Variants in MON2 observed in about 807,000 individuals in gnomAD.
The protein encoded by MON2 is MON2 regulator of endosome-to-Golgi trafficking, also known as protein MON2 homolog.
A neutral mutation model predicts 208.6 loss-of-function variants in MON2; 84 were observed. The ratio of observed to expected loss-of-function variants is 0.40; its 90% CI spans 0.34 to 0.48. The LOEUF (loss-of-function observed/expected upper bound fraction) is 0.48, where lower values mean the gene tolerates loss of function less well. MON2 is among the 20% of genes least tolerant of loss of function. The pLI is 0.59. For synonymous variants in MON2, 660 were observed against 694.0 expected, an observed-to-expected ratio of 0.95 and a Z score of 0.77; for missense variants, 1,611 against 2,015.4, an observed-to-expected ratio of 0.80 and a Z score of 3.84.
At position 62,471,294 on chromosome 12, in the gene MON2, C is replaced by T. The variant is rs372924151; in HGVS notation, c.111+3976C>T. Among the ~76,000 whole-genome samples the T allele has an allele frequency of 5.9e-5, 9 of 152,236 alleles. 1 individual carries two copies. The highest frequency in any genetic ancestry group is 9.6e-5 in the African/African-American group (4 of 41,534). On this transcript the variant is annotated intron_variant, in intron 1 of 34. Transcript: ENST00000393630. ...GCCTCCCAGGTTCAAGTGATTTTCC[C>T]GCCTCAGCCTCCTGAGTACCTGGGA...
intron 1 of MON2, among the ~76,000 whole-genome samples, chr12:62,479,647 T>C (rs1215564984): frequency 6.6e-6 from 1 of 152,178 alleles, no homozygotes; most frequent in African/African-American, 2.4e-5. Context: ...GAGTAACATA[T>C]TAAACGCTGC....
Position 62,561,128 on chromosome 12 carries a change from G to A in MON2, c.4032+15G>A. 1 of 1,573,016 alleles carries A rather than the reference G, an allele frequency of 6.4e-7. No individual in the cohort carries two copies. Among genetic ancestry groups the A allele is most frequent in the South Asian group, 1.2e-5 (1 of 83,978 alleles). ...TTCTCCAAAAGGTAATATAATTTTA[G>A]TGGCTAAGTAATACTGCATATAGTT... On this transcript the variant is annotated intron_variant, in intron 26 of 34. Coordinates refer to ENST00000393630, the MANE Select transcript of MON2 (RefSeq NM_015026.3).
intron 24 of MON2, among the ~76,000 whole-genome samples, chr12:62,555,790 T>C (rs1049607122): frequency 1.2e-4 from 17 of 138,650 alleles, no homozygotes; most frequent in Non-Finnish European, 2.3e-4. Context: ...GCCTGGATGA[T>C]AGAGTGAGAC....
rs1212508885 is a variant in MON2 at position 62,532,720 on chromosome 12, A to G, written c.1633+50A>G. 4.2e-6 allele frequency: 6 copies of G among 1,433,714 alleles called. No individual in the cohort carries two copies. In the Admixed American group the frequency reaches 8.8e-5, roughly 21 times the overall value. The allele number at this position is 1,433,714 out of a possible 1,614,324, so 88.8% of individuals were successfully genotyped here. A position where few individuals can be genotyped will look rare whatever the true frequency, so the allele number is the denominator to read the frequency against. On this transcript the variant is annotated intron_variant, in intron 12 of 34. Transcript: ENST00000393630. ...TATTGGAAATAATTTGAAATTTACAATTTGCAAAAATTGTAGTCTTTATAA... is the reference window on the plus strand; with the variant it reads ...TATTGGAAATAATTTGAAATTTACAGTTTGCAAAAATTGTAGTCTTTATAA...
intron 1 of MON2, among the ~76,000 whole-genome samples, chr12:62,473,221 A>G (rs1592797569): frequency 6.6e-6 from 1 of 152,300 alleles, no homozygotes; most frequent in East Asian, 1.9e-4. Context: ...GCATCCTTAG[A>G]CTCTAATGCA....
Position 62,466,846 on chromosome 12 carries a change from C to T in MON2, c.-362C>T, listed in dbSNP as rs868000914. 1 of 410,018 alleles carries T rather than the reference C, an allele frequency of 2.4e-6. No individual in the cohort carries two copies. 25.4% of individuals were successfully genotyped at this position (410,018 alleles called of 1,614,324 possible). On this transcript the variant is annotated 5_prime_UTR_variant, in exon 1 of 35. Coordinates refer to ENST00000393630, the MANE Select transcript of MON2 (RefSeq NM_015026.3). Reference sequence around the variant, plus strand: ...TGGGCGACTCGGCTAATGGCGTCGGCGAGTCTTAGGGGCCTGGGGAGCTGG... The same window carrying T: ...TGGGCGACTCGGCTAATGGCGTCGGTGAGTCTTAGGGGCCTGGGGAGCTGG...
intron 1 of MON2, among the ~76,000 whole-genome samples, chr12:62,480,467 G>C (rs2069352824): frequency 6.6e-6 from 1 of 152,130 alleles, no homozygotes; most frequent in South Asian, 2.1e-4. Context: ...TCAGGAGGCT[G>C]AGATGGATGG....
chr12:62,574,843 A>ACCC (rs2074718647), intron 30 of MON2, among the ~76,000 whole-genome samples: 2 of 152,158 alleles, frequency 1.3e-5, no homozygotes, highest in African/African-American at 2.4e-5. Flanking sequence ...TTTGAAAGAC[A>ACCC]AAAAGAAGGC....
intron 12 of MON2, 100 bp from the exon 13 acceptor site, chr12:62,534,745 A>G: frequency 1.3e-6 from 1 of 777,922 alleles, no homozygotes. Context: ...TTAATGGAAT[A>G]TTTGACATAT....
chr12:62,578,604 T>TAGGGGAGGAGCCAAGATGGCCGAA, intron 31 of MON2, 99 bp downstream of exon 31: 3 of 740,434 alleles, frequency 4.1e-6, no homozygotes, highest in Non-Finnish European at 6.4e-6. Flanking sequence ...AAGTAATAGG[T>TAGGGGAGGAGCCAAGATGGCCGAA]TAAGATTAAA....
chr12:62,560,647 C>T lies in MON2; in HGVS notation c.3566C>T (p.Pro1189Leu). The T allele has an allele frequency of 6.2e-7, 1 of 1,614,042 alleles. No homozygotes were observed. The highest frequency in any genetic ancestry group is 2.2e-5 in the East Asian group (1 of 44,856). The change falls in exon 26 of 35, where the codon CCT becomes CTT. Residue 1189 changes from proline (P) to leucine (L), a missense_variant. Coordinates refer to ENST00000393630, the MANE Select transcript of MON2 (RefSeq NM_015026.3). Reference protein sequence around the residue: ...VRDSDKPETPPVVNVPVPVLI... With the variant: ...VRDSDKPETPLVVNVPVPVLI... ...GACTCAGATAAGCCTGAGACACCACCTGTAGTTAATGTACCTGTGCCTGTT... is the reference window on the plus strand; with the variant it reads ...GACTCAGATAAGCCTGAGACACCACTTGTAGTTAATGTACCTGTGCCTGTT...
chr12:62,475,791 C>T (rs1309707162), intron 1 of MON2, among the ~76,000 whole-genome samples: 1 of 150,992 alleles, frequency 6.6e-6, no homozygotes, highest in Non-Finnish European at 1.5e-5. Flanking sequence ...GGGCTGATAA[C>T]CTGAGGTCAG....
At chr12:62,569,761 TC>T (rs1446081723) in intron 29 of MON2, among the ~76,000 whole-genome samples, 7 of 152,078 alleles carry the variant, frequency 4.6e-5, no homozygotes, top group Admixed American at 4.6e-4. Context: ...GGACAGTTCC[TC>T]CCAAAGCACA....
chr12:62,538,304 C>T lies in MON2; in HGVS notation c.2252C>T (p.Ser751Leu), dbSNP rs199890435. The T allele has an allele frequency of 1.2e-6, 2 of 1,613,260 alleles. No homozygotes were observed. Among genetic ancestry groups the T allele is most frequent in the Non-Finnish European group, 1.7e-6 (2 of 1,179,346 alleles). ...TDLPVISNIL[S>L]RLFESSQYLD... ...TTACCAGTGATTTCCAATATACTTT[C>T]AAGATTGTTTGAAAGCTCACAGTAA... Residue 751 changes from serine (S) to leucine (L), a missense_variant, in exon 18 of 35, where the codon TCA (serine) becomes TTA (leucine). Physicochemically the swap from Ser to Leu is moderately radical, Grantham distance 145 (BLOSUM62 -2). Transcript: ENST00000393630.
chr12:62,573,551 T>A (rs2074676227), intron 30 of MON2, among the ~76,000 whole-genome samples: 1 of 151,760 alleles, frequency 6.6e-6, no homozygotes, highest in South Asian at 2.1e-4. Context: ...CATAGCAAGA[T>A]CCTGTATATA....
chr12:62,516,563 G>C (rs1365722623), intron 8 of MON2, among the ~76,000 whole-genome samples: 1 of 152,156 alleles, frequency 6.6e-6, no homozygotes, highest in South Asian at 2.1e-4. Context: ...AATTATTCTG[G>C]CATAGTGGTG....
Position 62,586,398 on chromosome 12 carries a change from C to T in MON2, c.4907+897C>T, listed in dbSNP as rs915765765. Among the ~76,000 whole-genome samples the T allele has an allele frequency of 2.6e-5, 4 of 152,248 alleles. No homozygotes were observed. In the East Asian group the frequency reaches 5.8e-4, roughly 22 times the overall value. The stretch of plus-strand genomic sequence containing the variant: ...TTTTGATATGCATTAACCAAATTTC[C>T]CAACAGAGATTTATACCAATTTACA... On this transcript the variant is annotated intron_variant, in intron 33 of 34. Coordinates refer to ENST00000393630, the MANE Select transcript of MON2 (RefSeq NM_015026.3).
intron 26 of MON2, among the ~76,000 whole-genome samples, chr12:62,563,699 C>T (rs778669388): frequency 2.6e-5 from 4 of 152,034 alleles, no homozygotes; most frequent in Non-Finnish European, 5.9e-5. Flanking sequence ...TATATATCAA[C>T]TATAACACTA....
Position 62,547,057 on chromosome 12 carries a change from T to C in MON2, c.2738T>C (p.Ile913Thr). 6.4e-7 allele frequency: 1 copy of C among 1,574,772 alleles called. No individual in the cohort carries two copies. Among genetic ancestry groups the C allele is most frequent in the African/African-American group, 1.4e-5 (1 of 73,550 alleles). ...WPLVLGVMGA[I>T]RNDQGESLIR... ...TTAGTGCTTGGAGTCATGGGAGCAA[T>C]CAGAAATGATCAAGGGTAAGTATTT... The change falls in exon 22 of 35, where the codon ATC (isoleucine) becomes ACC (threonine). Residue 913 changes from isoleucine (I) to threonine (T), a missense_variant. By Grantham distance (89) the Ile-to-Thr change is moderately conservative. Coordinates refer to ENST00000393630, the MANE Select transcript of MON2 (RefSeq NM_015026.3).
Sources: allele counts gnomAD v4.1 joint callset (sites outside exome capture counted in the v4.1 genomes callset), GRCh38; gene constraint gnomAD v4.1.1; transcripts MANE v1.5; gene names NCBI Gene and HGNC (gene_info 2026-07-23, HGNC 2026-07-21).